The following NCAM2 variants were observed in gnomAD, a reference collection of about 807,000 sequenced individuals.
NCAM2 encodes N-CAM-2.
In NCAM2, 30 loss-of-function variants were observed where a neutral mutation model predicts 98.1. That is an observed-to-expected ratio of 0.31 (90% CI 0.23 to 0.41). The LOEUF (loss-of-function observed/expected upper bound fraction) is 0.41, where lower values mean the gene tolerates loss of function less well. NCAM2 is among the 10% of genes least tolerant of loss of function. The pLI, the probability that NCAM2 is intolerant of heterozygous loss-of-function variation, is 1.00. For synonymous variants in NCAM2, 368 were observed against 342.4 expected, an observed-to-expected ratio of 1.07 and a Z score of -0.83; for missense variants, 867 against 1,005.8, an observed-to-expected ratio of 0.86 and a Z score of 1.87.
chr21:21,489,831 A>T (rs1986699018), intron 15 of NCAM2, among the ~76,000 whole-genome samples: 1 of 152,076 alleles, frequency 6.6e-6, no homozygotes, highest in Admixed American at 6.6e-5. Flanking sequence ...GAAAAAAATT[A>T]ACACTTATTA....
At chr21:21,279,768 A>T (rs2072863491) in intron 1 of NCAM2, among the ~76,000 whole-genome samples, 2 of 152,012 alleles carry the variant, frequency 1.3e-5, no homozygotes, top group African/African-American at 4.8e-5. Context: ...GCAGGTTCGT[A>T]CTCTAGTTTC....
At chr21:21,222,896 G>A (rs2070228092) in intron 1 of NCAM2, among the ~76,000 whole-genome samples, 1 of 152,104 alleles carries the variant, frequency 6.6e-6, no homozygotes, top group South Asian at 2.1e-4. Flanking sequence ...AAACAAAGAG[G>A]CAATGGGTGC....
chr21:21,065,385 C>A (rs1176164873), intron 1 of NCAM2, among the ~76,000 whole-genome samples: 2 of 151,862 alleles, frequency 1.3e-5, no homozygotes, highest in East Asian at 3.9e-4. Flanking sequence ...ATTGCTTGTA[C>A]TTATATCTGA....
Position 21,030,847 on chromosome 21 carries a change from A to G in NCAM2, c.55+32229A>G, listed in dbSNP as rs188858776. On this transcript the variant is annotated intron_variant, in intron 1 of 17. Coordinates refer to ENST00000400546, the MANE Select transcript of NCAM2 (RefSeq NM_004540.5). The stretch of plus-strand genomic sequence containing the variant: ...TTGTTTAAAAGTTAGATTATACAGA[A>G]ATAAAAAATATAAAGGACTTTAAAA... Among the ~76,000 whole-genome samples the G allele has an allele frequency of 1.9e-3, 282 of 152,362 alleles. 2 individuals are homozygous for G. Among genetic ancestry groups the G allele is most frequent in the African/African-American group, 6.5e-3 (269 of 41,590 alleles).
At position 21,471,855 on chromosome 21, in the gene NCAM2, AAGAC is replaced by A. The variant is rs1427759562; in HGVS notation, c.1896+3076_1896+3079del. ...TGGCTTTGTTCACTCACCCATTACA[AAGAC>A]AGAATTTATTGGAACAGAACTAGAG... On this transcript the variant is annotated intron_variant, in intron 14 of 17. Coordinates refer to ENST00000400546, the MANE Select transcript of NCAM2 (RefSeq NM_004540.5). Among the ~76,000 whole-genome samples the A allele has an allele frequency of 3.9e-5, 6 of 152,164 alleles. No individual in the cohort carries two copies. The East Asian group carries it at 1.2e-3, about 29-fold the overall frequency.
At chr21:21,361,548 G>A (rs2075646278) in intron 8 of NCAM2, among the ~76,000 whole-genome samples, 1 of 151,770 alleles carries the variant, frequency 6.6e-6, no homozygotes, top group Non-Finnish European at 1.5e-5. Context: ...GGGCACCCTA[G>A]TCTGCCATTT....
chr21:21,506,017 A>G (rs559918394), intron 15 of NCAM2, among the ~76,000 whole-genome samples: 1 of 152,026 alleles, frequency 6.6e-6, no homozygotes, highest in African/African-American at 2.4e-5. Flanking sequence ...CTCCTGATGC[A>G]GTGTTTTTAA....
intron 12 of NCAM2, among the ~76,000 whole-genome samples, chr21:21,442,946 C>T (rs1018900717): frequency 6.6e-6 from 1 of 152,086 alleles, no homozygotes; most frequent in Non-Finnish European, 1.5e-5. Context: ...CACCCTCGCC[C>T]CTCCTACAAA....
At chr21:21,495,196 A>G (rs575659981) in intron 15 of NCAM2, among the ~76,000 whole-genome samples, 5 of 152,158 alleles carry the variant, frequency 3.3e-5, no homozygotes, top group African/African-American at 1.2e-4. Context: ...ATAAACGTAT[A>G]TATTATACAA....
At chr21:21,535,271 AT>A (rs978251891) in intron 17 of NCAM2, among the ~76,000 whole-genome samples, 37 of 152,242 alleles carry the variant, frequency 2.4e-4, no homozygotes, top group African/African-American at 8.9e-4. Flanking sequence ...AATAATTAGA[AT>A]AATTCAAAGC....
At chr21:21,485,946 A>G (rs1433128458) in intron 15 of NCAM2, among the ~76,000 whole-genome samples, 3 of 152,084 alleles carry the variant, frequency 2.0e-5, no homozygotes, top group Admixed American at 6.6e-5. Context: ...GTCAACTGCT[A>G]TCCTTTCTTG....
chr21:21,253,676 G>C (rs1410370656), intron 1 of NCAM2, among the ~76,000 whole-genome samples: 1 of 152,104 alleles, frequency 6.6e-6, no homozygotes, highest in Non-Finnish European at 1.5e-5. Flanking sequence ...TGTTATAGCA[G>C]GCCAAACATA....
intron 1 of NCAM2, among the ~76,000 whole-genome samples, chr21:21,149,906 T>G (rs2067397616): frequency 6.6e-6 from 1 of 152,158 alleles, no homozygotes; most frequent in Non-Finnish European, 1.5e-5. Flanking sequence ...AGTAGAATGA[T>G]TTATAATCCT....
intron 1 of NCAM2, among the ~76,000 whole-genome samples, chr21:21,186,778 G>C (rs2068654235): frequency 6.6e-6 from 1 of 151,842 alleles, no homozygotes; most frequent in South Asian, 2.1e-4. Flanking sequence ...ATATATCTTT[G>C]AAAATACATT....
At chr21:21,089,069 A>G (rs2826651) in intron 1 of NCAM2, among the ~76,000 whole-genome samples, 14,360 of 141,430 alleles carry the variant, frequency 0.1, 935 homozygotes, top group African/African-American at 0.21. Flanking sequence ...AATTATGTCA[A>G]TCATTTTTTT....
intron 15 of NCAM2, among the ~76,000 whole-genome samples, chr21:21,502,626 C>T (rs902266740): frequency 6.6e-5 from 10 of 151,960 alleles, no homozygotes; most frequent in South Asian, 2.1e-4. Flanking sequence ...CTACGAAGGA[C>T]GAAGTAAGAA....
intron 6 of NCAM2, 46 bp downstream of exon 6, chr21:21,324,546 C>A: frequency 1.6e-6 from 2 of 1,231,516 alleles, no homozygotes; most frequent in Non-Finnish European, 2.3e-6. Flanking sequence ...CATTATCAGG[C>A]TTATGGAACA....
intron 8 of NCAM2, among the ~76,000 whole-genome samples, chr21:21,355,554 G>GAGGAAAGA (rs2075454191): frequency 2.7e-5 from 4 of 149,686 alleles, no homozygotes; most frequent in African/African-American, 9.8e-5. Flanking sequence ...GGGAGGGACG[G>GAGGAAAGA]AGGAAAGAAG....
intron 1 of NCAM2, among the ~76,000 whole-genome samples, chr21:21,049,664 G>T (rs373204637): frequency 7.1e-4 from 108 of 152,096 alleles, no homozygotes; most frequent in African/African-American, 2.5e-3. Flanking sequence ...CTGAGGTCAG[G>T]AGTTCAAGAC....
Sources: gnomAD v4.1 joint callset for allele counts (sites outside exome capture counted in the v4.1 genomes callset) on GRCh38, gnomAD v4.1.1 for gene constraint, MANE v1.5 for transcripts, NCBI Gene and HGNC (gene_info 2026-07-23, HGNC 2026-07-21) for gene names.